HPSE2: variants seen among roughly 807,000 people sequenced by gnomAD.
The protein encoded by HPSE2 is heparanase 2 (inactive), also known as inactive heparanase-2.
HPSE2 carries 38 observed loss-of-function variants against 60.5 expected under a neutral mutation model. The ratio of observed to expected loss-of-function variants is 0.63; its 90% CI spans 0.48 to 0.82. HPSE2 has a LOEUF of 0.82. Ranked by LOEUF, HPSE2 falls within the 40% of genes least tolerant of loss-of-function variation. The probability of loss-of-function intolerance (pLI) is 0.00; values close to 1 mark genes in which losing one functional copy is unlikely to be tolerated. For missense variants in HPSE2, 713 were observed against 740.4 expected, an observed-to-expected ratio of 0.96 and a Z score of 0.43; for synonymous variants, 295 against 293.2, an observed-to-expected ratio of 1.01 and a Z score of -0.06.
At chr10:98,591,249 A>G (rs1235802127) in intron 9 of HPSE2, among the ~76,000 whole-genome samples, 1 of 152,234 alleles carries the variant, frequency 6.6e-6, no homozygotes, top group African/African-American at 2.4e-5. Flanking sequence ...TGAGAAGACT[A>G]TGGGACAATT....
chr10:99,163,146 G>A (rs1013126008), intron 2 of HPSE2, among the ~76,000 whole-genome samples: 1 of 151,470 alleles, frequency 6.6e-6, no homozygotes, highest in Non-Finnish European at 1.5e-5. Flanking sequence ...AGGAGGCCGA[G>A]CTTGCAGTGA....
chr10:99,012,550 T>C (rs1172653977), intron 3 of HPSE2, among the ~76,000 whole-genome samples: 1 of 152,196 alleles, frequency 6.6e-6, no homozygotes, highest in Non-Finnish European at 1.5e-5. Flanking sequence ...CTCATTATGG[T>C]TATACCTAAG....
chr10:98,570,328 T>A (rs963811338), intron 9 of HPSE2, among the ~76,000 whole-genome samples: 16 of 152,232 alleles, frequency 1.1e-4, no homozygotes, highest in Admixed American at 7.2e-4. Flanking sequence ...TATGCCTTCA[T>A]GGTACAGCAC....
At chr10:98,749,050 GAGA>G (rs1481157883) in intron 3 of HPSE2, among the ~76,000 whole-genome samples, 2 of 152,100 alleles carry the variant, frequency 1.3e-5, no homozygotes, top group East Asian at 1.9e-4. Context: ...ATAGTAATGA[GAGA>G]AGAACCAGAT....
At chr10:98,736,163 T>C (rs1038134870) in intron 4 of HPSE2, among the ~76,000 whole-genome samples, 1 of 151,834 alleles carries the variant, frequency 6.6e-6, no homozygotes, top group Admixed American at 6.6e-5. Flanking sequence ...TGGTAGTGAA[T>C]AAGTCTCGCA....
intron 3 of HPSE2, among the ~76,000 whole-genome samples, chr10:98,964,342 T>A (rs544635862): frequency 6.6e-6 from 1 of 152,280 alleles, no homozygotes; most frequent in African/African-American, 2.4e-5. Context: ...TTATTAAAAG[T>A]GGAATTAAAT....
intron 9 of HPSE2, among the ~76,000 whole-genome samples, chr10:98,611,881 C>T (rs749563799): frequency 1.3e-5 from 2 of 152,218 alleles, no homozygotes; most frequent in African/African-American, 2.4e-5. Context: ...AGTCTTTGTG[C>T]TGAATCAGTG....
chr10:99,004,486 G>A (rs1284593146), intron 3 of HPSE2, among the ~76,000 whole-genome samples: 2 of 151,544 alleles, frequency 1.3e-5, no homozygotes, highest in African/African-American at 2.4e-5. Flanking sequence ...GTTGTAACAG[G>A]CTCTGTTAAC....
chr10:98,595,342 T>G (rs1383949667), intron 9 of HPSE2, among the ~76,000 whole-genome samples: 1 of 151,846 alleles, frequency 6.6e-6, no homozygotes, highest in Non-Finnish European at 1.5e-5. Flanking sequence ...GCAAATTTTT[T>G]TGTATTTTTA....
At chr10:98,893,268 T>C (rs1564637540) in intron 3 of HPSE2, among the ~76,000 whole-genome samples, 3 of 152,186 alleles carry the variant, frequency 2.0e-5, no homozygotes, top group South Asian at 2.1e-4. Context: ...GGTTTCTCCA[T>C]GTTGGTCAGG....
chr10:98,833,592 CTTG>C (rs1951729730), intron 3 of HPSE2, among the ~76,000 whole-genome samples: 2 of 152,100 alleles, frequency 1.3e-5, no homozygotes, highest in Non-Finnish European at 2.9e-5. Context: ...TAAAGTATGT[CTTG>C]TTATTATCTT....
chr10:99,183,566 G>A (rs1004113336), intron 2 of HPSE2, among the ~76,000 whole-genome samples: 1 of 152,142 alleles, frequency 6.6e-6, no homozygotes, highest in African/African-American at 2.4e-5. Context: ...CTTACACATT[G>A]TTACATTTCT....
chr10:98,654,358 T>G (rs541084768), intron 6 of HPSE2, among the ~76,000 whole-genome samples: 11 of 152,328 alleles, frequency 7.2e-5, no homozygotes, highest in South Asian at 6.2e-4. Flanking sequence ...GCTATTCTAA[T>G]TATGTGTACA....
intron 4 of HPSE2, among the ~76,000 whole-genome samples, chr10:98,731,244 A>T (rs1187055161): frequency 6.6e-6 from 1 of 152,170 alleles, no homozygotes; most frequent in Non-Finnish European, 1.5e-5. Context: ...GTGCCACTGC[A>T]CTCCAGTCTG....
At chr10:98,973,146 A>G (rs1266632857) in intron 3 of HPSE2, among the ~76,000 whole-genome samples, 1 of 152,202 alleles carries the variant, frequency 6.6e-6, no homozygotes, top group African/African-American at 2.4e-5. Context: ...TCAGGTGGAA[A>G]TGATAATAAA....
chr10:98,847,145 G>C (rs189457555), intron 3 of HPSE2, among the ~76,000 whole-genome samples: 21 of 152,298 alleles, frequency 1.4e-4, no homozygotes, highest in Middle Eastern at 3.4e-3. Context: ...TACAAACTCA[G>C]AATTAGTAAG....
intron 3 of HPSE2, among the ~76,000 whole-genome samples, chr10:98,980,066 A>C (rs1388788353): frequency 1.3e-5 from 2 of 152,168 alleles, no homozygotes; most frequent in Non-Finnish European, 2.9e-5. Flanking sequence ...AATTCCCCAT[A>C]AGGAATCAAC....
At chr10:99,118,266 A>G (rs893672843) in intron 3 of HPSE2, among the ~76,000 whole-genome samples, 8 of 152,108 alleles carry the variant, frequency 5.3e-5, no homozygotes, top group Non-Finnish European at 1.0e-4. Context: ...GCTCACGTCT[A>G]TAATCCCAGC....
chr10:98,865,859 T>TGAACATTGCTCCAGCCC (rs1261312443), intron 3 of HPSE2, among the ~76,000 whole-genome samples: 3 of 152,128 alleles, frequency 2.0e-5, no homozygotes, highest in Non-Finnish European at 4.4e-5. Flanking sequence ...AGCTCTAGAC[T>TGAACATTGCTCCAGCCC]GAACATTGCT....
Sources: gnomAD v4.1 joint callset for allele counts (sites outside exome capture counted in the v4.1 genomes callset) on GRCh38, gnomAD v4.1.1 for gene constraint, MANE v1.5 for transcripts, NCBI Gene and HGNC (gene_info 2026-07-23, HGNC 2026-07-21) for gene names.